The following APIP variants were observed in gnomAD, a reference collection of about 807,000 sequenced individuals.
APIP encodes the protein APAF1 interacting protein.
Under a neutral mutation model 32.0 loss-of-function variants are expected in APIP, and 32 were observed. That is an observed-to-expected ratio of 1.00 (90% CI 0.76 to 1.34). APIP has a LOEUF of 1.34. APIP is among the 40% of genes most tolerant of loss of function. The probability of loss-of-function intolerance (pLI) is 0.00; values close to 1 mark genes in which losing one functional copy is unlikely to be tolerated. For missense variants in APIP, 247 were observed against 298.6 expected (o/e 0.83, Z 1.27); for synonymous variants, 92 against 94.8 (o/e 0.97, Z 0.17).
In APIP at chr11:34,895,048, C is replaced by A. The variant is rs1227019101; in HGVS notation, c.120G>T (p.Trp40Cys). 6.2e-7 allele frequency: 1 copy of A among 1,614,072 alleles called. No homozygotes were observed. The highest frequency in any genetic ancestry group is 1.1e-5 in the South Asian group (1 of 91,080). Residue 40 changes from tryptophan (W) to cysteine (C), a missense_variant, in exon 2 of 7, where the codon TGG becomes TGT. Trp to Cys is a radical substitution (Grantham distance 215, BLOSUM62 -2). Coordinates refer to ENST00000395787, the MANE Select transcript of APIP (RefSeq NM_015957.4). ...TAATTCCTCCTCCAGTCCCAGTGAC[C>A]CAGCCTAAATGGTAAAACTGTTTGC... Reference protein sequence around the residue: ...ELCKQFYHLGWVTGTGGGISL... With the variant: ...ELCKQFYHLGCVTGTGGGISL...
chr11:34,894,270 T>A (rs1033584224), intron 2 of APIP, among the ~76,000 whole-genome samples: 2 of 152,196 alleles, frequency 1.3e-5, no homozygotes, highest in African/African-American at 4.8e-5. Flanking sequence ...GGCACTATAT[T>A]CATTAATGAT....
chr11:34,907,318 C>T (rs1312706820), intron 1 of APIP, among the ~76,000 whole-genome samples: 1 of 152,120 alleles, frequency 6.6e-6, no homozygotes, highest in Non-Finnish European at 1.5e-5. Context: ...GTCTTCCAAC[C>T]CTTAAAACCA....
intron 1 of APIP, among the ~76,000 whole-genome samples, chr11:34,911,126 C>G (rs550421825): frequency 1.3e-5 from 2 of 151,762 alleles, no homozygotes; most frequent in East Asian, 3.9e-4. Flanking sequence ...TTGAATATAC[C>G]CAAAAAAGTG....
chr11:34,900,672 G>A (rs1034875344), intron 1 of APIP, among the ~76,000 whole-genome samples: 4 of 152,060 alleles, frequency 2.6e-5, no homozygotes, highest in South Asian at 2.1e-4. Context: ...GTAGCAAACC[G>A]AGGAGACAAA....
intron 4 of APIP, 89 bp downstream of exon 4, chr11:34,888,663 C>T: frequency 8.2e-7 from 1 of 1,212,242 alleles, no homozygotes; most frequent in East Asian, 2.6e-5. Flanking sequence ...GGTGGGTATC[C>T]AAGAAATGTT....
chr11:34,885,173 A>C (rs963335154), intron 5 of APIP, among the ~76,000 whole-genome samples: 1 of 148,312 alleles, frequency 6.7e-6, no homozygotes, highest in African/African-American at 2.5e-5. Context: ...TACATGTATA[A>C]CTATATATGT....
intron 1 of APIP, among the ~76,000 whole-genome samples, chr11:34,910,587 A>G (rs754780999): frequency 6.6e-6 from 1 of 152,200 alleles, no homozygotes. Flanking sequence ...AGGAAAGGTA[A>G]AGATGCAGGT....
intron 6 of APIP, 30 bp from the exon 7 acceptor site, chr11:34,882,846 G>T (rs755428066): frequency 6.8e-7 from 1 of 1,475,248 alleles, no homozygotes; most frequent in Non-Finnish European, 9.4e-7. Flanking sequence ...AAGAACCAGT[G>T]TTTATCGAAA....
intron 1 of APIP, among the ~76,000 whole-genome samples, chr11:34,895,545 C>T (rs1166359708): frequency 1.3e-5 from 2 of 152,222 alleles, no homozygotes; most frequent in African/African-American, 4.8e-5. Flanking sequence ...TCAACACATA[C>T]TCTGTGTGTT....
chr11:34,884,354 A>C (rs1853021821), intron 5 of APIP, among the ~76,000 whole-genome samples: 1 of 152,266 alleles, frequency 6.6e-6, no homozygotes, highest in Non-Finnish European at 1.5e-5. Flanking sequence ...GTGACTGATA[A>C]CTTGGCCAAC....
chr11:34,913,523 T>C (rs1240320010), intron 1 of APIP, among the ~76,000 whole-genome samples: 1 of 152,172 alleles, frequency 6.6e-6, no homozygotes, highest in Non-Finnish European at 1.5e-5. Context: ...TGTTCGTTCC[T>C]CCCGGTGGGT....
intron 1 of APIP, 187 bp downstream of exon 1, chr11:34,916,038 TCTC>T (rs1257347774): frequency 1.4e-6 from 1 of 703,916 alleles, no homozygotes; most frequent in Admixed American, 3.0e-5. Context: ...AGACCACTGA[TCTC>T]CTGGGGCCTC....
intron 1 of APIP, among the ~76,000 whole-genome samples, chr11:34,897,527 T>G (rs1384718725): frequency 6.6e-6 from 1 of 152,034 alleles, no homozygotes; most frequent in East Asian, 1.9e-4. Flanking sequence ...GTAAGGTTGG[T>G]AAGGTTTTGT....
chr11:34,902,471 T>A (rs1169581884), intron 1 of APIP, among the ~76,000 whole-genome samples: 1 of 152,198 alleles, frequency 6.6e-6, no homozygotes, highest in Non-Finnish European at 1.5e-5. Flanking sequence ...AAAACCTCAG[T>A]GAAGTATCTA....
intron 1 of APIP, among the ~76,000 whole-genome samples, chr11:34,900,628 G>A (rs1853357627): frequency 6.6e-6 from 1 of 152,116 alleles, no homozygotes; most frequent in Admixed American, 6.5e-5. Flanking sequence ...TCTGCAGGCA[G>A]CAGAAAAATA....
intron 5 of APIP, among the ~76,000 whole-genome samples, chr11:34,885,530 A>T (rs1853052894): frequency 6.6e-6 from 1 of 152,190 alleles, no homozygotes; most frequent in South Asian, 2.1e-4. Context: ...AGCTGTACAC[A>T]GCCCTCCGTA....
intron 1 of APIP, among the ~76,000 whole-genome samples, chr11:34,905,386 T>C (rs987379041): frequency 1.3e-5 from 2 of 152,150 alleles, no homozygotes; most frequent in Non-Finnish European, 2.9e-5. Flanking sequence ...GAATTCACTG[T>C]TTTAGGATTC....
intron 1 of APIP, chr11:34,915,996 G>T: frequency 1.7e-6 from 1 of 592,710 alleles, no homozygotes; most frequent in East Asian, 3.0e-5. Flanking sequence ...AACGTTTGGC[G>T]CCCAGCTCCC....
chr11:34,909,219 T>A (rs1445921056), intron 1 of APIP, among the ~76,000 whole-genome samples: 1 of 152,000 alleles, frequency 6.6e-6, no homozygotes, highest in Non-Finnish European at 1.5e-5. Flanking sequence ...GTGGATGATA[T>A]CGTTCCCTGG....
Sources: gnomAD v4.1 joint callset for allele counts (sites outside exome capture counted in the v4.1 genomes callset) on GRCh38, gnomAD v4.1.1 for gene constraint, MANE v1.5 for transcripts, NCBI Gene and HGNC (gene_info 2026-07-23, HGNC 2026-07-21) for gene names.